Variants in FAM107B observed in about 807,000 individuals in gnomAD.
FAM107B encodes the protein family with sequence similarity 107 member B, also known as protein FAM107B.
In FAM107B, 21 loss-of-function variants were observed where a neutral mutation model predicts 31.5. The ratio of observed to expected loss-of-function variants is 0.67; its 90% confidence interval spans 0.47 to 0.96. The LOEUF (loss-of-function observed/expected upper bound fraction) is 0.96. Ranked by LOEUF, FAM107B falls within the 40% of genes least tolerant of loss-of-function variation. FAM107B has a pLI of 0.00. For missense variants in FAM107B, 452 were observed against 377.1 expected (o/e 1.20, Z -1.64); for synonymous variants, 157 against 141.5 (o/e 1.11, Z -0.78).
chr10:14,572,577 A>G (rs949407240), intron 2 of FAM107B, among the ~76,000 whole-genome samples: 1 of 151,698 alleles, frequency 6.6e-6, no homozygotes, highest in African/African-American at 2.4e-5. Flanking sequence ...ACATGGCGGA[A>G]GACAGGTGCG....
At chr10:14,569,916 C>T (rs1851049397) in intron 2 of FAM107B, among the ~76,000 whole-genome samples, 1 of 152,188 alleles carries the variant, frequency 6.6e-6, no homozygotes, top group Non-Finnish European at 1.5e-5. Context: ...GCTGGGCGAG[C>T]CCAGAGGTTC....
chr10:14,717,553 CAAG>C (rs1855807574), intron 1 of FAM107B, among the ~76,000 whole-genome samples: 1 of 152,092 alleles, frequency 6.6e-6, no homozygotes, highest in Non-Finnish European at 1.5e-5. Flanking sequence ...TGTCCAAGGG[CAAG>C]AGGAGGGGAA....
At chr10:14,590,544 C>T (rs560263003) in intron 2 of FAM107B, among the ~76,000 whole-genome samples, 1 of 152,288 alleles carries the variant, frequency 6.6e-6, no homozygotes, top group South Asian at 2.1e-4. Context: ...CAGCCTGGTG[C>T]TGATGGAGCA....
chr10:14,621,052 G>A (rs1852998496), intron 2 of FAM107B, among the ~76,000 whole-genome samples: 1 of 152,076 alleles, frequency 6.6e-6, no homozygotes, highest in Admixed American at 6.5e-5. Context: ...TTATGAACTT[G>A]ACAAACTCAC....
chr10:14,600,824 T>C (rs1852370340), intron 2 of FAM107B, among the ~76,000 whole-genome samples: 1 of 152,040 alleles, frequency 6.6e-6, no homozygotes, highest in South Asian at 2.1e-4. Flanking sequence ...AAATGTGTTG[T>C]AGAGATGGGG....
intron 2 of FAM107B, among the ~76,000 whole-genome samples, chr10:14,551,118 G>A (rs1013415279): frequency 3.9e-5 from 6 of 152,272 alleles, no homozygotes; most frequent in East Asian, 3.9e-4. Flanking sequence ...AAAGTTTTCC[G>A]AGGCAACTCA....
chr10:14,633,194 CAA>C (rs60159128), intron 2 of FAM107B, among the ~76,000 whole-genome samples: 5,920 of 123,692 alleles, frequency 0.048, 160 homozygotes, highest in East Asian at 0.14. Flanking sequence ...GACTCTGTCT[CAA>C]AAAAAAAAAA....
intron 2 of FAM107B, among the ~76,000 whole-genome samples, chr10:14,583,034 C>T (rs1359428831): frequency 6.8e-5 from 10 of 146,634 alleles, no homozygotes; most frequent in East Asian, 6.1e-4. Flanking sequence ...CTGCAGTAAG[C>T]GGAGATCGCG....
chr10:14,611,060 A>C (rs1478214108), intron 2 of FAM107B, among the ~76,000 whole-genome samples: 12 of 152,202 alleles, frequency 7.9e-5, no homozygotes, highest in Admixed American at 7.9e-4. Context: ...ACTCACATAA[A>C]CGACTACTGA....
At chr10:14,692,454 C>T (rs1855161664) in intron 1 of FAM107B, among the ~76,000 whole-genome samples, 1 of 152,118 alleles carries the variant, frequency 6.6e-6, no homozygotes, top group Non-Finnish European at 1.5e-5. Context: ...GATAACCTAG[C>T]CACACAGGAG....
intron 2 of FAM107B, among the ~76,000 whole-genome samples, chr10:14,582,375 CTT>C (rs71388188): frequency 1.8e-5 from 2 of 112,086 alleles, no homozygotes; most frequent in Admixed American, 2.1e-4. Context: ...TTTTTCTTTT[CTT>C]TTTTTTTTTT....
chr10:14,649,892 G>T (rs761459662), intron 2 of FAM107B, among the ~76,000 whole-genome samples: 2 of 152,170 alleles, frequency 1.3e-5, no homozygotes, highest in Non-Finnish European at 2.9e-5. Context: ...CACATAATAA[G>T]GGCCAGTGGG....
intron 2 of FAM107B, among the ~76,000 whole-genome samples, chr10:14,576,436 C>T (rs886900958): frequency 1.3e-5 from 2 of 151,912 alleles, no homozygotes; most frequent in Non-Finnish European, 2.9e-5. Context: ...CTGAGGTAGG[C>T]GAATCATTTG....
intron 1 of FAM107B, among the ~76,000 whole-genome samples, chr10:14,702,449 C>T (rs886432469): frequency 2.6e-5 from 4 of 152,104 alleles, no homozygotes; most frequent in South Asian, 2.1e-4. Flanking sequence ...TGAGTTCAAG[C>T]GATTCTCCCG....
At chr10:14,747,354 C>G (rs1832746219) in intron 1 of FAM107B, among the ~76,000 whole-genome samples, 1 of 152,198 alleles carries the variant, frequency 6.6e-6, no homozygotes, top group Admixed American at 6.5e-5. Flanking sequence ...GTGTTGTGAT[C>G]ATTTGGAGAA....
chr10:14,536,241 C>T (rs1258085855), intron 2 of FAM107B, among the ~76,000 whole-genome samples: 2 of 152,176 alleles, frequency 1.3e-5, no homozygotes, highest in African/African-American at 4.8e-5. Flanking sequence ...TACTTGAATC[C>T]TTTCTAAAAC....
At chr10:14,717,026 G>T (rs190411526) in intron 1 of FAM107B, among the ~76,000 whole-genome samples, 3 of 152,280 alleles carry the variant, frequency 2.0e-5, no homozygotes, top group Admixed American at 6.5e-5. Context: ...TGAGGCAGAG[G>T]TTGCAGGGAG....
chr10:14,622,102 A>T (rs927577598), intron 2 of FAM107B, among the ~76,000 whole-genome samples: 2 of 152,142 alleles, frequency 1.3e-5, no homozygotes, highest in Non-Finnish European at 1.5e-5. Flanking sequence ...AACACATTTA[A>T]TAAAGTCCAT....
At chr10:14,583,756 A>T (rs1286075992) in intron 2 of FAM107B, among the ~76,000 whole-genome samples, 3 of 152,122 alleles carry the variant, frequency 2.0e-5, no homozygotes, top group African/African-American at 7.2e-5. Flanking sequence ...GAAAAAGGAA[A>T]AGAAACCACT....
Sources: allele counts gnomAD v4.1 joint callset (sites outside exome capture counted in the v4.1 genomes callset), GRCh38; gene constraint gnomAD v4.1.1; transcripts MANE v1.5; gene names NCBI Gene and HGNC (gene_info 2026-07-23, HGNC 2026-07-21).